The following PDE4D variants were observed in gnomAD, a reference collection of about 807,000 sequenced individuals.
PDE4D encodes 3',5'-cyclic-AMP phosphodiesterase 4D.
In PDE4D, 24 loss-of-function variants were observed where a neutral mutation model predicts 87.4. The observed-to-expected ratio is 0.27, with a 90% confidence interval of 0.20 to 0.39. PDE4D has a LOEUF of 0.39. PDE4D is among the 10% of genes least tolerant of loss of function. The pLI is 1.00. For missense variants in PDE4D, 714 were observed against 1,041.0 expected (o/e 0.69, Z 4.32); for synonymous variants, 384 against 383.2 (o/e 1.00, Z -0.02).
chr5:60,118,955 A>C (rs1220359158), intron 2 of PDE4D, among the ~76,000 whole-genome samples: 2 of 152,184 alleles, frequency 1.3e-5, no homozygotes, highest in African/African-American at 4.8e-5. Context: ...AAGACCCCTA[A>C]AGTGAGTGCA....
intron 1 of PDE4D, among the ~76,000 whole-genome samples, chr5:59,226,341 C>T (rs1317083075): frequency 1.3e-5 from 2 of 152,076 alleles, no homozygotes; most frequent in East Asian, 3.9e-4. Flanking sequence ...CTGTCATATG[C>T]TACAACATGG....
intron 1 of PDE4D, among the ~76,000 whole-genome samples, chr5:60,478,864 A>T (rs748612050): frequency 6.6e-6 from 1 of 152,160 alleles, no homozygotes; most frequent in Non-Finnish European, 1.5e-5. Flanking sequence ...TTTTCCATAA[A>T]CATACACATC....
intron 2 of PDE4D, among the ~76,000 whole-genome samples, chr5:60,075,609 T>G (rs1177273629): frequency 6.6e-6 from 1 of 152,194 alleles, no homozygotes; most frequent in Non-Finnish European, 1.5e-5. Flanking sequence ...GTTTTCCAAG[T>G]TTCTTCCATT....
chr5:59,138,818 G>A (rs996677083), intron 5 of PDE4D, among the ~76,000 whole-genome samples: 4 of 152,130 alleles, frequency 2.6e-5, no homozygotes, highest in Non-Finnish European at 4.4e-5. Context: ...AAGATGTAGC[G>A]TCCACTCTCA....
At chr5:59,945,057 T>G (rs998588244) in intron 3 of PDE4D, among the ~76,000 whole-genome samples, 1 of 152,246 alleles carries the variant, frequency 6.6e-6, no homozygotes, top group African/African-American at 2.4e-5. Context: ...TAGGATATTA[T>G]TAAGTATATT....
chr5:60,511,026 G>T (rs916813180), intron 1 of PDE4D, among the ~76,000 whole-genome samples: 1 of 152,132 alleles, frequency 6.6e-6, no homozygotes, highest in African/African-American at 2.4e-5. Context: ...CTGGAGTGGA[G>T]TGCAGTGGCG....
chr5:59,823,944 G>A (rs1770008801), intron 1 of PDE4D, among the ~76,000 whole-genome samples: 1 of 151,188 alleles, frequency 6.6e-6, no homozygotes, highest in African/African-American at 2.4e-5. Context: ...CCTTTGGCTG[G>A]TTGATTTAAC....
intron 5 of PDE4D, among the ~76,000 whole-genome samples, chr5:59,122,699 A>G (rs1486373233): frequency 6.6e-6 from 1 of 152,264 alleles, no homozygotes; most frequent in African/African-American, 2.4e-5. Context: ...TGAAATTCAT[A>G]TCACATAAAC....
chr5:60,488,781 A>T (rs1171687561), upstream of PDE4D, among the ~76,000 whole-genome samples: 2 of 152,162 alleles, frequency 1.3e-5, no homozygotes, highest in Admixed American at 6.5e-5. Flanking sequence ...TATCTTAAAG[A>T]AAATATCTAT....
chr5:59,706,969 C>T (rs944772013), intron 1 of PDE4D, among the ~76,000 whole-genome samples: 7 of 152,092 alleles, frequency 4.6e-5, no homozygotes, highest in African/African-American at 1.7e-4. Context: ...TCAAATGAAA[C>T]CAGTAATACA....
At chr5:60,017,034 T>C (rs1415142251) in intron 2 of PDE4D, among the ~76,000 whole-genome samples, 2 of 152,242 alleles carry the variant, frequency 1.3e-5, no homozygotes, top group African/African-American at 4.8e-5. Flanking sequence ...CCTAGATCCA[T>C]TGATTGCAGA....
chr5:59,323,711 A>G (rs1176279657), intron 1 of PDE4D, among the ~76,000 whole-genome samples: 1 of 152,074 alleles, frequency 6.6e-6, no homozygotes, highest in African/African-American at 2.4e-5. Context: ...GAATATTGTA[A>G]TTGATTCTCA....
chr5:59,085,895 T>G (rs1451571262), intron 5 of PDE4D, among the ~76,000 whole-genome samples: 2 of 152,060 alleles, frequency 1.3e-5, no homozygotes, highest in Non-Finnish European at 2.9e-5. Context: ...TTAGAATAGG[T>G]AAGAAAAAGA....
chr5:60,258,055 G>A (rs151016368), intron 1 of PDE4D, among the ~76,000 whole-genome samples: 98 of 152,086 alleles, frequency 6.4e-4, no homozygotes, highest in African/African-American at 2.2e-3. Flanking sequence ...TCACTCGCCA[G>A]GCCTTGCTTT....
intron 2 of PDE4D, among the ~76,000 whole-genome samples, chr5:60,145,891 A>G (rs1012302670): frequency 6.6e-6 from 1 of 152,204 alleles, no homozygotes; most frequent in African/African-American, 2.4e-5. Flanking sequence ...CTTGTGATAC[A>G]TATGTCCAAA....
rs1371400638 is a variant in PDE4D, at chr5:59,380,403, A to AG, written c.456-164436_456-164435insC. Among the ~76,000 whole-genome samples the AG allele has an allele frequency of 1.8e-4, 27 of 150,276 alleles. 1 individual carries two copies. Among genetic ancestry groups the AG allele is most frequent in the South Asian group, 1.7e-3 (8 of 4,580 alleles). ...CAAAAGCAATCAAAAAAAAAAAAAA[A>AG]AAAGAGAGAGAAAGAAGTGAGAAAG... is the stretch of plus-strand genomic sequence containing the variant. On this transcript the variant is annotated intron_variant, in intron 1 of 14. Transcript: ENST00000340635.
At chr5:60,408,840 C>T (rs1741797778) in intron 1 of PDE4D, among the ~76,000 whole-genome samples, 1 of 152,132 alleles carries the variant, frequency 6.6e-6, no homozygotes, top group Non-Finnish European at 1.5e-5. Context: ...ATAGAAAATC[C>T]TTATTTCTGT....
intron 2 of PDE4D, chr5:60,147,691 G>A: frequency 2.3e-6 from 1 of 443,010 alleles, no homozygotes; most frequent in Non-Finnish European, 4.5e-6. Context: ...GCCAGCTGAG[G>A]CTGCTGCTAC....
rs1248837342 is a variant in PDE4D at position 59,415,484 on chromosome 5, GGTTA to G, written c.456-199520_456-199517del. Among the ~76,000 whole-genome samples, 3 of 152,008 alleles carry G rather than the reference GGTTA, an allele frequency of 2.0e-5. No individual in the cohort carries two copies. The South Asian group carries it at 6.2e-4, about 32-fold the overall frequency. ...AGAGGCTGTTGGGCACTTGAAAGGG[GGTTA>G]GTATGACTAAAGGACTAAATTTTTA... On this transcript the variant is annotated intron_variant, in intron 1 of 14. Transcript: ENST00000340635.
Sources: allele counts gnomAD v4.1 joint callset (sites outside exome capture counted in the v4.1 genomes callset), GRCh38; gene constraint gnomAD v4.1.1; transcripts MANE v1.5; gene names NCBI Gene and HGNC (gene_info 2026-07-23, HGNC 2026-07-21).